GAPVD1: variants seen among roughly 807,000 people sequenced by gnomAD.
The protein encoded by GAPVD1 is GTPase-activating protein and VPS9 domain-containing protein 1.
In GAPVD1, 35 loss-of-function variants were observed where a neutral mutation model predicts 155.5. The observed-to-expected ratio is 0.23, with a 90% CI of 0.17 to 0.30. GAPVD1 has a LOEUF of 0.30. Among genes scored for constraint, GAPVD1 ranks in the 10% least tolerant of loss-of-function variants. The pLI is 1.00. For synonymous variants in GAPVD1, 636 were observed against 619.7 expected (o/e 1.03, Z -0.39); for missense variants, 1,429 against 1,775.7 (o/e 0.80, Z 3.51).
rs867954384 is a variant in GAPVD1 at position 125,343,989 on chromosome 9, A to G, written c.3046+1690A>G. On this transcript the variant is annotated intron_variant, in intron 19 of 27. Transcript: ENST00000297933. ...TTTACTTATCCTCTTTAGGCAATAT[A>G]TTTTTCTTGGTTCTTGATACTGGAA... 1.2e-4 allele frequency among the ~76,000 whole-genome samples: 19 copies of G among 152,248 alleles called. No homozygotes were observed. In the South Asian group the frequency reaches 3.3e-3, roughly 27 times the overall value.
At chr9:125,305,952 C>T (rs752005991) in intron 6 of GAPVD1, among the ~76,000 whole-genome samples, 19 of 152,034 alleles carry the variant, frequency 1.2e-4, no homozygotes, top group East Asian at 1.9e-4. Flanking sequence ...CATGCCTGGT[C>T]GATAATTGTT....
At chr9:125,332,121 A>G (rs1167342567) in intron 14 of GAPVD1, 61 bp downstream of exon 14, 17 of 1,468,898 alleles carry the variant, frequency 1.2e-5, no homozygotes, top group Middle Eastern at 1.8e-4. Context: ...ACCCCCTCCT[A>G]TTTATAAAGT....
rs754549932 is a variant in GAPVD1, at chr9:125,321,489, C to T, written c.1659C>T (p.Asn553=). 4.3e-6 allele frequency: 7 copies of T among 1,612,672 alleles called. No individual in the cohort carries two copies. The highest frequency in any genetic ancestry group is 5.1e-6 in the Non-Finnish European group (6 of 1,178,684). ...AAGGAGATGTCCCTGTTGATGAAAACAAACTCCATGGTAAACCTGATAAAA... is the reference window on the plus strand; with the variant it reads ...AAGGAGATGTCCCTGTTGATGAAAATAAACTCCATGGTAAACCTGATAAAA... The part of the protein sequence containing the change: ...GGQGDVPVDE[N]KLHGKPDKTL... Residue 553 remains asparagine, a synonymous_variant, in exon 10 of 28, where the codon AAC becomes AAT. Transcript: ENST00000297933.
At chr9:125,346,970 T>C in intron 20 of GAPVD1, 29 bp downstream of exon 20, 1 of 1,608,000 alleles carries the variant, frequency 6.2e-7, no homozygotes. Context: ...ATTTGAGTAG[T>C]AAACTTTTAT....
intron 1 of GAPVD1, among the ~76,000 whole-genome samples, chr9:125,266,266 A>G (rs1374698515): frequency 6.6e-6 from 1 of 151,180 alleles, no homozygotes; most frequent in African/African-American, 2.4e-5. Flanking sequence ...AGCTGGGATT[A>G]TAGGCATGCA....
chr9:125,312,190 C>T (rs748532523), intron 8 of GAPVD1, among the ~76,000 whole-genome samples: 1 of 152,188 alleles, frequency 6.6e-6, no homozygotes, highest in South Asian at 2.1e-4. Flanking sequence ...CAGATGTGAT[C>T]ATCTGTGTGG....
In GAPVD1 at chr9:125,332,035, C is replaced by T. The variant is rs1564413285; in HGVS notation, c.2283C>T (p.Ser761=). The change falls in exon 14 of 28, where the codon AGC becomes AGT. Residue 761 remains serine (S), a synonymous_variant. Transcript: ENST00000297933. The stretch of plus-strand genomic sequence containing the variant: ...TCAGGGAGGTCAGTTCCCGCCCCAG[C>T]ACACCAGGCCTCAGTGTTGTGTCCG... ...TDVREVSSRP[S]TPGLSVVSGI... is the part of the protein sequence containing the mutation. 1.9e-6 allele frequency: 3 copies of T among 1,614,084 alleles called. No homozygotes were observed. The highest frequency in any genetic ancestry group is 1.7e-5 in the Admixed American group (1 of 60,016).
intron 19 of GAPVD1, among the ~76,000 whole-genome samples, chr9:125,345,108 T>C (rs762275814): frequency 1.3e-5 from 2 of 152,056 alleles, no homozygotes; most frequent in South Asian, 4.1e-4. Flanking sequence ...ATGTGAAAAG[T>C]TGGCCTTCCC....
chr9:125,332,971 A>G (rs571125805), intron 15 of GAPVD1, among the ~76,000 whole-genome samples: 2 of 152,370 alleles, frequency 1.3e-5, no homozygotes, highest in South Asian at 4.1e-4. Context: ...GAATTTATGT[A>G]GCTATTTTAA....
At chr9:125,346,771 TG>T in intron 19 of GAPVD1, 47 bp from the exon 20 acceptor site, 1 of 1,438,252 alleles carries the variant, frequency 7.0e-7, no homozygotes, top group South Asian at 1.1e-5. Context: ...ACATCAGAGG[TG>T]GTACAAACCC....
intron 2 of GAPVD1, among the ~76,000 whole-genome samples, chr9:125,281,946 T>C (rs1418921279): frequency 6.6e-6 from 1 of 152,020 alleles, no homozygotes; most frequent in Admixed American, 6.6e-5. Context: ...GCCTCCCAAG[T>C]AGCTGGGATT....
At position 125,366,925 on chromosome 9, in the gene GAPVD1, A is replaced by G. The variant is rs1231328289; in HGVS notation, c.*4179A>G. ...TCAATTCAAGAGAGATGACGTCTCC[A>G]CTTGGATAATGGCAGACAGTGTGGG... is the stretch of plus-strand genomic sequence containing the variant. On this transcript the variant is annotated 3_prime_UTR_variant, in exon 28 of 28. Transcript: ENST00000297933. 1 of 152,214 alleles carries G rather than the reference A, an allele frequency of 6.6e-6. No homozygotes were observed. The highest frequency in any genetic ancestry group is 1.9e-4 in the East Asian group (1 of 5,208). The allele number at this position is 152,214 out of a possible 1,614,324, so 9.4% of individuals were successfully genotyped here. A position where few individuals can be genotyped will look rare whatever the true frequency, so the allele number is the denominator to read the frequency against.
chr9:125,305,328 G>A (rs1291468060), intron 6 of GAPVD1, among the ~76,000 whole-genome samples, 179 bp downstream of exon 6: 1 of 151,402 alleles, frequency 6.6e-6, no homozygotes, highest in Non-Finnish European at 1.5e-5. Context: ...AGATGCCGTC[G>A]TAAGAGAATC....
At position 125,323,444 on chromosome 9, in the gene GAPVD1, T is replaced by C. The variant is rs532391078; in HGVS notation, c.1733-354T>C. Among the ~76,000 whole-genome samples the C allele has an allele frequency of 1.4e-3, 206 of 152,282 alleles. No individual in the cohort carries two copies. In the Middle Eastern group the frequency reaches 0.014, roughly 10 times the overall value. ...CCTCAGCCTCCTGAGTAGCTGGTAC[T>C]ACAGGTGCCCGCCACCACGCCTGGC... is the stretch of plus-strand genomic sequence containing the variant. On this transcript the variant is annotated intron_variant, in intron 10 of 27. Transcript: ENST00000297933.
chr9:125,270,862 G>A (rs529730980), intron 2 of GAPVD1, among the ~76,000 whole-genome samples: 65 of 152,246 alleles, frequency 4.3e-4, no homozygotes, highest in African/African-American at 1.4e-3. Context: ...AGAATCGCTT[G>A]AACCTGGGAG....
chr9:125,290,652 GA>G (rs1474320713), intron 2 of GAPVD1, among the ~76,000 whole-genome samples: 1 of 152,104 alleles, frequency 6.6e-6, no homozygotes, highest in Non-Finnish European at 1.5e-5. Context: ...GATGGATTGG[GA>G]AAATACAGTG....
chr9:125,348,971 C>G (rs930471956), intron 20 of GAPVD1, among the ~76,000 whole-genome samples: 1 of 152,146 alleles, frequency 6.6e-6, no homozygotes. Flanking sequence ...TGGCCATTGG[C>G]CAACCAAGAA....
At chr9:125,342,375 TA>T in intron 19 of GAPVD1, 76 bp downstream of exon 19, 1 of 834,492 alleles carries the variant, frequency 1.2e-6, no homozygotes, top group Non-Finnish European at 2.1e-6. Flanking sequence ...TTGGGTGCCA[TA>T]AGCGTTGCCT....
chr9:125,324,475 GC>G (rs1232696055), intron 11 of GAPVD1, among the ~76,000 whole-genome samples: 3 of 152,306 alleles, frequency 2.0e-5, no homozygotes, highest in East Asian at 3.9e-4. Flanking sequence ...TGTAATCCCA[GC>G]TACTCGGGAG....
Sources: allele counts gnomAD v4.1 joint callset (sites outside exome capture counted in the v4.1 genomes callset), GRCh38; gene constraint gnomAD v4.1.1; transcripts MANE v1.5; gene names NCBI Gene and HGNC (gene_info 2026-07-23, HGNC 2026-07-21).